UBXN7: variants seen among roughly 807,000 people sequenced by gnomAD.
UBXN7 encodes UBX domain protein 7.
A neutral mutation model predicts 58.0 loss-of-function variants in UBXN7; 9 were observed. The ratio of observed to expected loss-of-function variants is 0.16; its 90% confidence interval spans 0.09 to 0.27. The LOEUF is 0.27. UBXN7 is among the 10% of genes least tolerant of loss of function. The probability of loss-of-function intolerance (pLI) is 1.00; values close to 1 mark genes in which losing one functional copy is unlikely to be tolerated. For synonymous variants in UBXN7, 208 were observed against 205.0 expected (o/e 1.01, Z -0.12); for missense variants, 328 against 599.6 (o/e 0.55, Z 4.73).
intron 10 of UBXN7, among the ~76,000 whole-genome samples, chr3:196,361,639 T>C (rs1255182672): frequency 6.6e-6 from 1 of 152,212 alleles, no homozygotes; most frequent in Non-Finnish European, 1.5e-5. Flanking sequence ...GATGACTCAC[T>C]GAAGATTCAG....
At chr3:196,390,711 G>A (rs537325341) in intron 5 of UBXN7, among the ~76,000 whole-genome samples, 5 of 150,258 alleles carry the variant, frequency 3.3e-5, no homozygotes, top group East Asian at 1.9e-4. Context: ...ACTGCACTCC[G>A]GCGAGACTCC....
chr3:196,361,498 G>T (rs973955419), intron 10 of UBXN7, among the ~76,000 whole-genome samples: 1 of 152,080 alleles, frequency 6.6e-6, no homozygotes, highest in Non-Finnish European at 1.5e-5. Flanking sequence ...ACATGCTACA[G>T]AGAAATTTTT....
At chr3:196,430,995 G>C (rs999427284) in intron 1 of UBXN7, among the ~76,000 whole-genome samples, 2 of 152,102 alleles carry the variant, frequency 1.3e-5, no homozygotes, top group Non-Finnish European at 2.9e-5. Flanking sequence ...TTGACCTGAT[G>C]TTCCATGCCC....
Position 196,432,337 on chromosome 3 carries a change from G to A in UBXN7, c.63C>T (p.Thr21=), listed in dbSNP as rs1455861511. ...AACCGCGTCTCTTACCGGTAATGGT[G>A]GTGAACTGTTGAATTAACCCCTTCA... ...SALKGLIQQF[T]TITGASESVG... Residue 21 remains threonine, a synonymous_variant, in exon 1 of 11, where the codon ACC becomes ACT. Coordinates refer to ENST00000296328, the MANE Select transcript of UBXN7 (RefSeq NM_015562.2). 2.5e-6 allele frequency: 4 copies of A among 1,612,228 alleles called. No individual in the cohort carries two copies. Among genetic ancestry groups the A allele is most frequent in the Non-Finnish European group, 2.5e-6 (3 of 1,179,152 alleles).
At position 196,417,182 on chromosome 3, in the gene UBXN7, G is replaced by A. The variant is rs1013796496; in HGVS notation, c.74-9789C>T. Among the ~76,000 whole-genome samples the A allele has an allele frequency of 8.3e-4, 126 of 152,076 alleles. 1 individual carries two copies. Among genetic ancestry groups the A allele is most frequent in the Non-Finnish European group, 1.4e-3 (97 of 67,976 alleles). ...CAAAAAATTAGCCGGGCGTGGTGGC[G>A]GGCGCTTGTAGTCCCAGCTGCTGGG... On this transcript the variant is annotated intron_variant, in intron 1 of 10. Transcript: ENST00000296328.
intron 1 of UBXN7, 171 bp downstream of exon 1, chr3:196,432,156 C>T: frequency 1.1e-6 from 1 of 890,462 alleles, no homozygotes. Context: ...GGGCTGTCTC[C>T]CGCCTGAACC....
intron 1 of UBXN7, among the ~76,000 whole-genome samples, chr3:196,420,909 C>A (rs1730661429): frequency 6.6e-6 from 1 of 152,196 alleles, no homozygotes; most frequent in Non-Finnish European, 1.5e-5. Flanking sequence ...ATAGCAGTCA[C>A]AGAGACTTTT....
At chr3:196,371,834 C>T in intron 6 of UBXN7, 62 bp downstream of exon 6, 1 of 1,560,484 alleles carries the variant, frequency 6.4e-7, no homozygotes, top group Non-Finnish European at 8.7e-7. Context: ...ATTCCTTTCC[C>T]TCAACAACCC....
chr3:196,423,888 CTTT>C (rs1235337251), intron 1 of UBXN7, among the ~76,000 whole-genome samples: 8 of 131,348 alleles, frequency 6.1e-5, no homozygotes, highest in Admixed American at 7.7e-5. Context: ...TAATTTTTCA[CTTT>C]TTTTTTTTTT....
At chr3:196,407,714 A>C (rs2108616858) in intron 1 of UBXN7, among the ~76,000 whole-genome samples, 2 of 152,270 alleles carry the variant, frequency 1.3e-5, no homozygotes, top group South Asian at 4.1e-4. Flanking sequence ...AGCTGAAAAA[A>C]GATAAAGAAA....
At position 196,349,658 on chromosome 3, in the gene UBXN7, G is replaced by A. The variant is rs1039690909; in HGVS notation, c.*7027C>T. ...AGAGAGAAAAAAGGAGAATGGCAGG[G>A]AACGGTTCCAGATCAAGAATCTCTC... On this transcript the variant is annotated 3_prime_UTR_variant, in exon 11 of 11. Coordinates refer to ENST00000296328, the MANE Select transcript of UBXN7 (RefSeq NM_015562.2). 3 of 152,104 alleles carry A rather than the reference G, an allele frequency of 2.0e-5. No homozygotes were observed. Among genetic ancestry groups the A allele is most frequent in the African/African-American group, 7.2e-5 (3 of 41,394 alleles). 9.4% of individuals were successfully genotyped at this position (152,104 alleles called of 1,614,324 possible).
intron 5 of UBXN7, among the ~76,000 whole-genome samples, chr3:196,386,514 A>G (rs1729404046): frequency 6.6e-6 from 1 of 152,198 alleles, no homozygotes; most frequent in South Asian, 2.1e-4. Context: ...CAACTTCAGC[A>G]AAGTCTTAGG....
intron 5 of UBXN7, among the ~76,000 whole-genome samples, chr3:196,385,448 T>C (rs1412454193): frequency 6.6e-6 from 1 of 152,026 alleles, no homozygotes; most frequent in Non-Finnish European, 1.5e-5. Flanking sequence ...GAGGAGCGCC[T>C]CTGCCCGGCC....
At chr3:196,377,348 A>AT (rs1280252615) in intron 5 of UBXN7, among the ~76,000 whole-genome samples, 5 of 152,036 alleles carry the variant, frequency 3.3e-5, no homozygotes, top group Non-Finnish European at 5.9e-5. Flanking sequence ...CTCACACTGT[A>AT]TTTTCCCTCA....
intron 1 of UBXN7, among the ~76,000 whole-genome samples, chr3:196,421,399 T>C (rs1730678307): frequency 6.6e-6 from 1 of 152,204 alleles, no homozygotes; most frequent in African/African-American, 2.4e-5. Flanking sequence ...AGTGGAAGCA[T>C]TCAGAAACGT....
chr3:196,391,763 G>T, intron 5 of UBXN7, 50 bp downstream of exon 5: 2 of 1,426,710 alleles, frequency 1.4e-6, no homozygotes, highest in South Asian at 1.2e-5. Flanking sequence ...AAAAGGCATT[G>T]AAAATGCAAA....
chr3:196,367,287 C>A (rs933427328), intron 8 of UBXN7, among the ~76,000 whole-genome samples: 2 of 152,114 alleles, frequency 1.3e-5, no homozygotes, highest in African/African-American at 4.8e-5. Context: ...TGTATCTTTG[C>A]AAGTTCAGTC....
At position 196,361,717 on chromosome 3, in the gene UBXN7, G is replaced by A. The variant is rs1728509900; in HGVS notation, c.1308+127C>T. On this transcript the variant is annotated intron_variant, in intron 10 of 10. Coordinates refer to ENST00000296328, the MANE Select transcript of UBXN7 (RefSeq NM_015562.2). ...TTATGTGCTTTTTTTTAGACATAAA[G>A]CTACTGCACACTTAATAGACTATGG... 1.6e-5 allele frequency: 12 copies of A among 729,094 alleles called. No homozygotes were observed. The South Asian group carries it at 2.9e-4, about 18-fold the overall frequency. 45.2% of individuals were successfully genotyped at this position (729,094 alleles called of 1,614,324 possible). A position where few individuals can be genotyped will look rare whatever the true frequency, so the allele number is the denominator to read the frequency against.
intron 1 of UBXN7, among the ~76,000 whole-genome samples, chr3:196,409,839 T>C (rs566051697): frequency 4.5e-4 from 69 of 152,188 alleles, no homozygotes; most frequent in African/African-American, 1.6e-3. Context: ...TTCAAAGCCA[T>C]CCAGTGTGGA....
Sources: allele counts gnomAD v4.1 joint callset (sites outside exome capture counted in the v4.1 genomes callset), GRCh38; gene constraint gnomAD v4.1.1; transcripts MANE v1.5; gene names NCBI Gene and HGNC (gene_info 2026-07-23, HGNC 2026-07-21).